Variants in ENTREP1 observed in about 807,000 individuals in gnomAD.
ENTREP1 encodes the protein Friedreich ataxia region gene X123.
the ENTREP1 span, among the ~76,000 whole-genome samples, chr9:69,353,050 T>A: frequency 6.6e-6 from 1 of 151,998 alleles, no homozygotes; most frequent in African/African-American, 2.4e-5. Flanking sequence ...GGCAGGAGGA[T>A]CACTTGAGCC....
chr9:69,329,470 A>G, the ENTREP1 span: 1 of 983,116 alleles, frequency 1.0e-6, no homozygotes, highest in African/African-American at 1.7e-5. Flanking sequence ...TCTATTTTAA[A>G]AAACACTTAA....
the ENTREP1 span, chr9:69,388,490 C>T: frequency 3.4e-6 from 5 of 1,470,180 alleles, no homozygotes; most frequent in African/African-American, 2.8e-5. Flanking sequence ...TCAGATGACT[C>T]ATTTTCATAG....
chr9:69,353,392 A>T, the ENTREP1 span, among the ~76,000 whole-genome samples: 1 of 152,232 alleles, frequency 6.6e-6, no homozygotes, highest in Non-Finnish European at 1.5e-5. Flanking sequence ...CAAAGCCATT[A>T]ACATTTTGCC....
the ENTREP1 span, among the ~76,000 whole-genome samples, chr9:69,367,306 C>G: frequency 6.6e-6 from 1 of 151,592 alleles, no homozygotes; most frequent in Admixed American, 6.6e-5. Context: ...TGTGATGCCT[C>G]CAGCTTTTCT....
the ENTREP1 span, chr9:69,375,708 TA>T: frequency 1.3e-6 from 2 of 1,572,492 alleles, no homozygotes; most frequent in Non-Finnish European, 1.7e-6. Context: ...ATAATTAAAG[TA>T]TTTTTTTTTA....
At chr9:69,377,639 C>T in the ENTREP1 span, 72 of 1,613,904 alleles carry the variant, frequency 4.5e-5, no homozygotes, top group Admixed American at 8.3e-5. Context: ...GCTGAAGAAG[C>T]GGAGGATCAT....
At chr9:69,373,755 A>G in the ENTREP1 span, among the ~76,000 whole-genome samples, 1 of 152,138 alleles carries the variant, frequency 6.6e-6, no homozygotes, top group African/African-American at 2.4e-5. Context: ...TCTCCTGCTT[A>G]TCTCATTTAT....
At chr9:69,332,172 C>T in the ENTREP1 span, among the ~76,000 whole-genome samples, 1 of 152,174 alleles carries the variant, frequency 6.6e-6, no homozygotes, top group Non-Finnish European at 1.5e-5. Flanking sequence ...CTTTTCTCCC[C>T]ATCACCACTC....
the ENTREP1 span, among the ~76,000 whole-genome samples, chr9:69,347,457 C>T: frequency 6.6e-6 from 1 of 152,124 alleles, no homozygotes; most frequent in Non-Finnish European, 1.5e-5. Flanking sequence ...GCAGTAGACC[C>T]ACACGAAAAA....
the ENTREP1 span, among the ~76,000 whole-genome samples, chr9:69,347,589 G>A: frequency 6.6e-6 from 1 of 152,210 alleles, no homozygotes; most frequent in Non-Finnish European, 1.5e-5. Context: ...TCCAAGTTTT[G>A]ACTGGGACAC....
the ENTREP1 span, among the ~76,000 whole-genome samples, chr9:69,373,005 CTT>C: frequency 6.9e-6 from 1 of 144,260 alleles, no homozygotes; most frequent in African/African-American, 2.6e-5. Context: ...CTATACAAGT[CTT>C]TTGCACATTT....
At chr9:69,341,125 C>G in the ENTREP1 span, among the ~76,000 whole-genome samples, 1 of 152,140 alleles carries the variant, frequency 6.6e-6, no homozygotes, top group Admixed American at 6.5e-5. Flanking sequence ...ACTGTGAAAA[C>G]CCAGCTAGCT....
chr9:69,340,626 T>TGC, the ENTREP1 span, among the ~76,000 whole-genome samples: 340 of 55,976 alleles, frequency 6.1e-3, 4 homozygotes, highest in Middle Eastern at 0.031. Context: ...TGTGTGTGCA[T>TGC]GTGTGTGTGC....
At chr9:69,359,400 C>T in the ENTREP1 span, among the ~76,000 whole-genome samples, 234 of 152,280 alleles carry the variant, frequency 1.5e-3, 2 homozygotes, top group Non-Finnish European at 7.5e-4. Flanking sequence ...ATAATCCCCA[C>T]GTGTCAAGGG....
the ENTREP1 span, chr9:69,387,937 C>T: frequency 2.3e-5 from 35 of 1,503,764 alleles, no homozygotes; most frequent in Non-Finnish European, 3.1e-5. Flanking sequence ...TCGTACATGA[C>T]ACAATGACGT....
chr9:69,338,175 C>T, the ENTREP1 span, among the ~76,000 whole-genome samples: 2 of 152,076 alleles, frequency 1.3e-5, no homozygotes, highest in Admixed American at 1.3e-4. Flanking sequence ...TAATAAACAG[C>T]AGGATGAGAG....
At chr9:69,350,606 G>A in the ENTREP1 span, among the ~76,000 whole-genome samples, 1 of 152,052 alleles carries the variant, frequency 6.6e-6, no homozygotes, top group African/African-American at 2.4e-5. Context: ...TTTTCTTTGA[G>A]TTCTTTTTTC....
chr9:69,383,842 C>T, the ENTREP1 span: 2 of 1,578,876 alleles, frequency 1.3e-6, no homozygotes, highest in East Asian at 4.5e-5. Flanking sequence ...CCCCAGAGAA[C>T]AGCAGGGAGA....
At chr9:69,349,519 A>T in the ENTREP1 span, among the ~76,000 whole-genome samples, 8 of 152,156 alleles carry the variant, frequency 5.3e-5, no homozygotes, top group African/African-American at 1.7e-4. Context: ...GATGTTCAAC[A>T]TCTTTTTATG....
Sources: gnomAD v4.1 joint callset for allele counts (sites outside exome capture counted in the v4.1 genomes callset) on GRCh38, gnomAD v4.1.1 for gene constraint, MANE v1.5 for transcripts, NCBI Gene and HGNC (gene_info 2026-07-23, HGNC 2026-07-21) for gene names.